The following SLC35F5 variants were observed in gnomAD, a reference collection of about 807,000 sequenced individuals.
The protein encoded by SLC35F5 is HCV NS5A-transactivated protein 3.
SLC35F5 carries 54 observed loss-of-function variants against 68.6 expected under a neutral mutation model. The observed-to-expected ratio is 0.79, with a 90% CI of 0.63 to 0.99. The LOEUF is 0.99. SLC35F5 is among the 50% of genes least tolerant of loss of function. The probability of loss-of-function intolerance (pLI) is 0.00; values close to 1 mark genes in which losing one functional copy is unlikely to be tolerated. For synonymous variants in SLC35F5, 211 were observed against 205.2 expected, an observed-to-expected ratio of 1.03 and a Z score of -0.24; for missense variants, 567 against 626.9, an observed-to-expected ratio of 0.90 and a Z score of 1.02.
intron 13 of SLC35F5, chr2:113,719,566 A>T: frequency 3.4e-6 from 1 of 296,498 alleles, no homozygotes; most frequent in South Asian, 6.7e-5. Context: ...AAGAAAGCAT[A>T]CTTTCCATTT....
At chr2:113,750,920 A>G (rs1239582446) in intron 3 of SLC35F5, among the ~76,000 whole-genome samples, 1 of 152,240 alleles carries the variant, frequency 6.6e-6, no homozygotes, top group African/African-American at 2.4e-5. Context: ...CAAGACAGGA[A>G]GATTGCTTGA....
chr2:113,755,878 C>A (rs1318895537), intron 1 of SLC35F5: 2 of 1,550,528 alleles, frequency 1.3e-6, no homozygotes, highest in Non-Finnish European at 1.7e-6. Context: ...GGAATCCATC[C>A]CTGGGGACAG....
chr2:113,736,306 G>A (rs1349157), intron 7 of SLC35F5, among the ~76,000 whole-genome samples: 74,234 of 150,318 alleles, frequency 0.49, 18,973 homozygotes, highest in Middle Eastern at 0.66. Flanking sequence ...TTAGCCAGGC[G>A]TGGTAGTGCA....
At position 113,714,289 on chromosome 2, in the gene SLC35F5, G is replaced by C. The variant is rs1367539477; in HGVS notation, c.*929C>G. The C allele has an allele frequency of 6.6e-6, 1 of 152,082 alleles. No individual in the cohort carries two copies. Among genetic ancestry groups the C allele is most frequent in the East Asian group, 1.9e-4 (1 of 5,200 alleles). 9.4% of individuals were successfully genotyped at this position (152,082 alleles called of 1,614,324 possible). On this transcript the variant is annotated 3_prime_UTR_variant, in exon 16 of 16. Coordinates refer to ENST00000245680, the MANE Select transcript of SLC35F5 (RefSeq NM_025181.5). ...TAAAGAAGAGACATCTAGTTCTAGA[G>C]TAATCTGGCACATTCATATGTGAAA...
chr2:113,748,103 C>CA (rs1372035329), intron 4 of SLC35F5, among the ~76,000 whole-genome samples: 2 of 151,966 alleles, frequency 1.3e-5, no homozygotes, highest in Non-Finnish European at 2.9e-5. Flanking sequence ...ACAACAGCAA[C>CA]AAAAAATGAA....
chr2:113,704,443 G>A (rs1334708022), downstream of SLC35F5, among the ~76,000 whole-genome samples: 1 of 152,246 alleles, frequency 6.6e-6, no homozygotes, highest in Non-Finnish European at 1.5e-5. Context: ...CCCTTGGGTA[G>A]TTGATGGGAC....
At position 113,709,901 on chromosome 2, in the gene SLC35F5, T is replaced by C. The variant is rs952012629; in HGVS notation, c.*5317A>G. Among the ~76,000 whole-genome samples, 1 of 152,154 alleles carries C rather than the reference T, an allele frequency of 6.6e-6. No homozygotes were observed. The highest frequency in any genetic ancestry group is 1.5e-5 in the Non-Finnish European group (1 of 68,028). On this transcript the variant is annotated 3_prime_UTR_variant, in exon 16 of 16. Coordinates refer to ENST00000245680, the MANE Select transcript of SLC35F5 (RefSeq NM_025181.5). Reference sequence around the variant, plus strand: ...ATAATAACTCACTGCAGCCTCGAACTCCTGGGTTCAAGTGATCCTCCTGCC... The same window carrying C: ...ATAATAACTCACTGCAGCCTCGAACCCCTGGGTTCAAGTGATCCTCCTGCC...
chr2:113,750,691 A>G (rs1268094657), intron 3 of SLC35F5, 123 bp from the exon 4 acceptor site: 1 of 824,234 alleles, frequency 1.2e-6, no homozygotes, highest in African/African-American at 1.8e-5. Context: ...GAAAAAGTCA[A>G]AGCGATTACA....
chr2:113,705,120 G>A (rs1301854135), downstream of SLC35F5: 3 of 152,256 alleles, frequency 2.0e-5, no homozygotes, highest in African/African-American at 7.2e-5. Flanking sequence ...ATATAAGGGT[G>A]GTCAGGTAAT....
chr2:113,747,179 T>G (rs1676526132), intron 4 of SLC35F5, among the ~76,000 whole-genome samples: 1 of 151,210 alleles, frequency 6.6e-6, no homozygotes, highest in Non-Finnish European at 1.5e-5. Flanking sequence ...TTCCAGCTAC[T>G]CAGGAGGCTG....
intron 11 of SLC35F5, chr2:113,725,930 T>G (rs1687644855): frequency 6.5e-6 from 1 of 154,016 alleles, no homozygotes; most frequent in Admixed American, 6.5e-5. Context: ...GATGGTTTGC[T>G]CTCTGATTCA....
chr2:113,713,294 C>G lies in SLC35F5; in HGVS notation c.*1924G>C, dbSNP rs1289489333. The G allele has an allele frequency of 6.6e-6, 1 of 152,218 alleles. No individual in the cohort carries two copies. The highest frequency in any genetic ancestry group is 3.2e-3 in the Middle Eastern group (1 of 316). 9.4% of individuals were successfully genotyped at this position (152,218 alleles called of 1,614,324 possible). On this transcript the variant is annotated 3_prime_UTR_variant, in exon 16 of 16. Transcript: ENST00000245680. ...GCTGAAGATCTATCCAGCCTGTTAA[C>G]TACGGCTTAGTACTTCCAGAATCCT...
At chr2:113,704,454 T>C (rs1020058627), downstream of SLC35F5, among the ~76,000 whole-genome samples, 8 of 152,162 alleles carry the variant, frequency 5.3e-5, no homozygotes, top group Admixed American at 1.3e-4. Context: ...TTGATGGGAC[T>C]GGGCACCGCG....
chr2:113,717,913 T>C (rs1687240852), intron 14 of SLC35F5, 63 bp from the exon 15 acceptor site: 23 of 1,161,318 alleles, frequency 2.0e-5, no homozygotes, highest in Non-Finnish European at 2.6e-5. Flanking sequence ...CCTCAAACCT[T>C]ATTTATTCCA....
At chr2:113,720,405 A>G (rs1687385982) in intron 13 of SLC35F5, among the ~76,000 whole-genome samples, 1 of 151,966 alleles carries the variant, frequency 6.6e-6, no homozygotes, top group Non-Finnish European at 1.5e-5. Flanking sequence ...ATTTCATAGC[A>G]CCATTAGTCA....
Position 113,750,481 on chromosome 2 carries a change from AAAT to A in SLC35F5, c.358_360del (p.Ile120del). ...GTACACTGTTGTCTCCATGGCTTCC[AAAT>A]AATAAAGCCCAAAAGGTACAAAACA... is the stretch of plus-strand genomic sequence containing the variant. On this transcript the variant is annotated inframe_deletion, in exon 4 of 16. Coordinates refer to ENST00000245680, the MANE Select transcript of SLC35F5 (RefSeq NM_025181.5). The A allele has an allele frequency of 6.2e-7, 1 of 1,613,802 alleles. No individual in the cohort carries two copies. The highest frequency in any genetic ancestry group is 8.5e-7 in the Non-Finnish European group (1 of 1,179,842).
rs1449552766 is a variant in SLC35F5 at position 113,711,889 on chromosome 2, T to C, written c.*3329A>G. On this transcript the variant is annotated 3_prime_UTR_variant, in exon 16 of 16. Transcript: ENST00000245680. ...AATTTTCTAATTAATTCCTCCTTTA[T>C]CCTTCTTTAAAAACATTTTATTTCT... Among the ~76,000 whole-genome samples the C allele has an allele frequency of 6.6e-6, 1 of 152,252 alleles. No homozygotes were observed. The highest frequency in any genetic ancestry group is 1.9e-4 in the East Asian group (1 of 5,208).
intron 12 of SLC35F5, among the ~76,000 whole-genome samples, chr2:113,724,224 A>G (rs1343659385): frequency 6.6e-5 from 10 of 152,216 alleles, no homozygotes; most frequent in Admixed American, 5.2e-4. Flanking sequence ...TTGGATGTTT[A>G]TCATGCAGAG....
At chr2:113,753,168 CTTTTTTTTTTTTTTT>C (rs1173478465) in intron 3 of SLC35F5, among the ~76,000 whole-genome samples, 1 of 49,090 alleles carries the variant, frequency 2.0e-5, no homozygotes, top group Non-Finnish European at 3.5e-5. Flanking sequence ...GTTTGTTTTT[CTTTTTTTTTTTTTTT>C]TTTTTTTTTT....
Sources: allele counts gnomAD v4.1 joint callset (sites outside exome capture counted in the v4.1 genomes callset), GRCh38; gene constraint gnomAD v4.1.1; transcripts MANE v1.5; gene names NCBI Gene and HGNC (gene_info 2026-07-23, HGNC 2026-07-21).